Variants in VCAN observed in about 807,000 individuals in gnomAD.
VCAN encodes versican.
Under a neutral mutation model 245.5 loss-of-function variants are expected in VCAN, and 44 were observed. The ratio of observed to expected loss-of-function variants is 0.18; its 90% CI spans 0.14 to 0.23. VCAN has a LOEUF of 0.23. Ranked by LOEUF, VCAN falls within the 10% of genes least tolerant of loss-of-function variation. The pLI is 1.00. For missense variants in VCAN, 3,793 were observed against 4,057.9 expected (o/e 0.93, Z 1.77); for synonymous variants, 1,413 against 1,437.0 (o/e 0.98, Z 0.38).
intron 5 of VCAN, among the ~76,000 whole-genome samples, chr5:83,502,274 G>T (rs1036667541): frequency 5.3e-5 from 8 of 152,060 alleles, no homozygotes; most frequent in Non-Finnish European, 5.9e-5. Context: ...ACTCCTTGAA[G>T]CATGTGACAG....
chr5:83,500,993 T>C (rs1246451417), intron 5 of VCAN, among the ~76,000 whole-genome samples: 1 of 152,160 alleles, frequency 6.6e-6, no homozygotes, highest in Non-Finnish European at 1.5e-5. Context: ...TGACCTTTTG[T>C]GTAGCCATCT....
At chr5:83,508,231 G>A (rs926463347) in intron 5 of VCAN, among the ~76,000 whole-genome samples, 5 of 152,076 alleles carry the variant, frequency 3.3e-5, no homozygotes, top group Admixed American at 2.0e-4. Context: ...TGCTCACTTT[G>A]CTTCTATCTT....
chr5:83,520,152 G>C lies in VCAN; in HGVS notation c.1846G>C (p.Gly616Arg), dbSNP rs200944978. ...CCCTTTAATTATGCCTGATAATAATGGATCATCCATGGATGACTGGGAAGA... is the reference window on the plus strand; with the variant it reads ...CCCTTTAATTATGCCTGATAATAATCGATCATCCATGGATGACTGGGAAGA... Reference protein sequence around the residue: ...VSPLIMPDNNGSSMDDWEERQ... With the variant: ...VSPLIMPDNNRSSMDDWEERQ... The change falls in exon 7 of 15, where the codon GGA (glycine) becomes CGA (arginine). Residue 616 changes from glycine to arginine, a missense_variant. Around this residue, in one of 5 missense-constraint regions of VCAN, gnomAD observed 3,182 missense variants for 3,250.3 expected, o/e 0.98. Coordinates refer to ENST00000265077, the MANE Select transcript of VCAN (RefSeq NM_004385.5). 30 of 1,614,016 alleles carry C rather than the reference G, an allele frequency of 1.9e-5. No individual in the cohort carries two copies. In the East Asian group the frequency reaches 6.7e-4, roughly 36 times the overall value.
In VCAN at chr5:83,520,452, A is replaced by G; in HGVS notation, c.2146A>G (p.Thr716Ala). 1 of 1,613,968 alleles carries G rather than the reference A, an allele frequency of 6.2e-7. No individual in the cohort carries two copies. ...EITKSPFMGK[T>A]EEEVFSGMKL... The stretch of plus-strand genomic sequence containing the variant: ...CACTAAAAGTCCATTTATGGGAAAA[A>G]CAGAAGAAGAAGTCTTCTCTGGGAT... The change falls in exon 7 of 15, where the codon ACA (threonine) becomes GCA (alanine). Residue 716 changes from threonine (T) to alanine (A), a missense_variant. Thr to Ala is a moderately conservative substitution (Grantham distance 58). Coordinates refer to ENST00000265077, the MANE Select transcript of VCAN (RefSeq NM_004385.5).
chr5:83,530,893 G>C (rs79569053), intron 7 of VCAN, among the ~76,000 whole-genome samples: 1 of 152,032 alleles, frequency 6.6e-6, no homozygotes, highest in African/African-American at 2.4e-5. Context: ...TCATCTGAGA[G>C]CTCATTTGAT....
chr5:83,560,672 C>T (rs1747832827), intron 12 of VCAN, among the ~76,000 whole-genome samples: 1 of 152,168 alleles, frequency 6.6e-6, no homozygotes, highest in Non-Finnish European at 1.5e-5. Flanking sequence ...GAAACTCTTA[C>T]ATGCTTTCAT....
intron 1 of VCAN, among the ~76,000 whole-genome samples, chr5:83,474,762 C>A (rs1261383255): frequency 1.3e-5 from 2 of 152,216 alleles, no homozygotes; most frequent in South Asian, 2.1e-4. Context: ...AGTGGCCTCG[C>A]CCCCAGGATT....
chr5:83,574,869 T>C (rs895640949), intron 13 of VCAN, among the ~76,000 whole-genome samples: 3 of 152,188 alleles, frequency 2.0e-5, no homozygotes, highest in Admixed American at 2.0e-4. Flanking sequence ...ACAAGAAATA[T>C]TTTAAAAGCG....
chr5:83,475,341 T>G (rs1321254131), intron 1 of VCAN, among the ~76,000 whole-genome samples: 1 of 152,220 alleles, frequency 6.6e-6, no homozygotes, highest in East Asian at 1.9e-4. Context: ...TTGGAAGAAC[T>G]GGATTTTAAA....
intron 5 of VCAN, among the ~76,000 whole-genome samples, chr5:83,501,307 T>A (rs1439207396): frequency 6.6e-6 from 1 of 152,204 alleles, no homozygotes; most frequent in African/African-American, 2.4e-5. Flanking sequence ...TTAATTTAGA[T>A]GAAAAGTCCA....
At chr5:83,572,928 G>A (rs1021646445) in intron 13 of VCAN, among the ~76,000 whole-genome samples, 2 of 150,468 alleles carry the variant, frequency 1.3e-5, no homozygotes, top group African/African-American at 2.4e-5. Flanking sequence ...TTGAGATGGA[G>A]TCTCGCTCTG....
At position 83,502,685 on chromosome 5, in the gene VCAN, A is replaced by G. The variant is rs146256668; in HGVS notation, c.748+8754A>G. Among the ~76,000 whole-genome samples, 787 of 152,348 alleles carry G rather than the reference A, an allele frequency of 5.2e-3. 9 individuals carry two copies. Among genetic ancestry groups the G allele is most frequent in the African/African-American group, 0.018 (745 of 41,592 alleles). ...TAATAACACATTTGCAAATATGCAG[A>G]TGCATTTTCAAATGAATATAATCTG... On this transcript the variant is annotated intron_variant, in intron 5 of 14. Coordinates refer to ENST00000265077, the MANE Select transcript of VCAN (RefSeq NM_004385.5).
Position 83,521,880 on chromosome 5 carries a change from G to A in VCAN, c.3574G>A (p.Glu1192Lys). The A allele has an allele frequency of 6.2e-7, 1 of 1,614,138 alleles. No homozygotes were observed. The highest frequency in any genetic ancestry group is 8.5e-7 in the Non-Finnish European group (1 of 1,180,028). ...SGLFEKPKAT[E>K]LIEFSTIKVT... is the part of the protein sequence containing the mutation. ...ATTATTTGAAAAGCCCAAAGCCACA[G>A]AACTCATAGAATTTTCAACAATCAA... The change falls in exon 7 of 15, where the codon GAA becomes AAA. Residue 1192 changes from glutamate (E) to lysine (K), a missense_variant. Physicochemically the swap from Glu to Lys is moderately conservative, Grantham distance 56. Coordinates refer to ENST00000265077, the MANE Select transcript of VCAN (RefSeq NM_004385.5).
intron 7 of VCAN, among the ~76,000 whole-genome samples, chr5:83,533,250 T>C (rs970453164): frequency 2.0e-5 from 3 of 152,158 alleles, no homozygotes; most frequent in African/African-American, 7.2e-5. Flanking sequence ...TGAAGGCAAG[T>C]CAGATCAAAT....
rs1314393017 is a variant in VCAN at position 83,511,862 on chromosome 5, T to TAC, written c.749-231_749-230dup. Among the ~76,000 whole-genome samples, 8 of 152,164 alleles carry TAC rather than the reference T, an allele frequency of 5.3e-5. No individual in the cohort carries two copies. In the East Asian group the frequency reaches 7.7e-4, roughly 15 times the overall value. On this transcript the variant is annotated intron_variant, in intron 5 of 14. Coordinates refer to ENST00000265077, the MANE Select transcript of VCAN (RefSeq NM_004385.5). ...TAAATGACTGATTCTATGGCCAATG[T>TAC]ACACACACACATACACGTATAGAAT...
intron 9 of VCAN, among the ~76,000 whole-genome samples, chr5:83,547,474 G>A (rs1343567201): frequency 6.6e-6 from 1 of 152,160 alleles, no homozygotes; most frequent in Non-Finnish European, 1.5e-5. Context: ...TATCATGACT[G>A]TGTCTAAAAA....
Position 83,490,487 on chromosome 5 carries a change from A to G in VCAN, c.445+15A>G. 1 of 1,613,494 alleles carries G rather than the reference A, an allele frequency of 6.2e-7. No individual in the cohort carries two copies. Among genetic ancestry groups the G allele is most frequent in the Non-Finnish European group, 8.5e-7 (1 of 1,179,940 alleles). ...GACTGTGGATGGTAAGGCTTTTATT[A>G]TCTGCAAGAAGGTAGTATAACATGA... On this transcript the variant is annotated intron_variant, in intron 3 of 14. Coordinates refer to ENST00000265077, the MANE Select transcript of VCAN (RefSeq NM_004385.5).
chr5:83,566,407 T>A (rs1276177152), intron 12 of VCAN, among the ~76,000 whole-genome samples: 2 of 152,194 alleles, frequency 1.3e-5, no homozygotes, highest in African/African-American at 4.8e-5. Flanking sequence ...TTTTAGGTCA[T>A]TGATCATGGC....
Position 83,539,137 on chromosome 5 carries a change from T to C in VCAN, c.6134T>C (p.Leu2045Ser). Reference sequence around the variant, plus strand: ...GCTTCCTCCATTATCGACGAAGGATTGGGAGAAGTGGGTACTGTCAATGAA... The same window carrying C: ...GCTTCCTCCATTATCGACGAAGGATCGGGAGAAGTGGGTACTGTCAATGAA... ...GTASSIIDEG[L>S]GEVGTVNEID... is the part of the protein sequence containing the mutation. Residue 2045 changes from leucine (L) to serine (S), a missense_variant, in exon 8 of 15, where the codon TTG (leucine) becomes TCG (serine). Around this residue, in one of 5 missense-constraint regions of VCAN, gnomAD observed 3,182 missense variants for 3,250.3 expected, o/e 0.98. Transcript: ENST00000265077. The C allele has an allele frequency of 6.2e-7, 1 of 1,613,990 alleles. No individual in the cohort carries two copies. Among genetic ancestry groups the C allele is most frequent in the South Asian group, 1.1e-5 (1 of 91,086 alleles).
Sources: gnomAD v4.1 joint callset for allele counts (sites outside exome capture counted in the v4.1 genomes callset) on GRCh38, gnomAD v4.1.1 for gene constraint, gnomAD v4.1.1 regional missense constraint, MANE v1.5 for transcripts, NCBI Gene and HGNC (gene_info 2026-07-23, HGNC 2026-07-21) for gene names.